Variants in IGSF11 observed in about 807,000 individuals in gnomAD.
IGSF11 encodes the protein CXADR like 1.
A neutral mutation model predicts 41.0 loss-of-function variants in IGSF11; 22 were observed. The observed-to-expected ratio is 0.54, with a 90% CI of 0.38 to 0.77. The LOEUF (loss-of-function observed/expected upper bound fraction) is 0.77, where lower values mean the gene tolerates loss of function less well. IGSF11 is among the 30% of genes least tolerant of loss of function. The probability of loss-of-function intolerance (pLI) is 0.00; values close to 1 mark genes in which losing one functional copy is unlikely to be tolerated. For missense variants in IGSF11, 444 were observed against 530.8 expected (o/e 0.84, Z 1.61); for synonymous variants, 219 against 201.3 (o/e 1.09, Z -0.74).
chr3:119,078,496 G>T (rs544522806), intron 1 of IGSF11, among the ~76,000 whole-genome samples: 16 of 152,304 alleles, frequency 1.1e-4, no homozygotes, highest in African/African-American at 3.4e-4. Context: ...ATGGTGCAGG[G>T]ATAACTGATT....
At chr3:119,108,699 C>T (rs13099251), upstream of IGSF11, among the ~76,000 whole-genome samples, 9,072 of 136,410 alleles carry the variant, frequency 0.067, 380 homozygotes, top group Admixed American at 0.14. Context: ...AGCTTTTGCC[C>T]ATTCAGTATG....
chr3:119,033,419 T>C (rs1194892530), intron 1 of IGSF11, among the ~76,000 whole-genome samples: 2 of 152,240 alleles, frequency 1.3e-5, no homozygotes, highest in Admixed American at 1.3e-4. Flanking sequence ...GTGCACATCA[T>C]CACTAAAAAT....
chr3:119,045,789 G>A (rs953700463), intron 1 of IGSF11, among the ~76,000 whole-genome samples: 6 of 151,848 alleles, frequency 4.0e-5, no homozygotes, highest in African/African-American at 1.5e-4. Flanking sequence ...GCACGCAGCT[G>A]GAGATCTGAG....
At chr3:118,907,684 C>CT (rs1189833921) in intron 4 of IGSF11, among the ~76,000 whole-genome samples, 1 of 152,166 alleles carries the variant, frequency 6.6e-6, no homozygotes, top group African/African-American at 2.4e-5. Context: ...TCGTAACAAG[C>CT]TTATGTTCTA....
chr3:118,982,528 T>C (rs559753182), intron 1 of IGSF11, among the ~76,000 whole-genome samples: 67 of 152,294 alleles, frequency 4.4e-4, no homozygotes, highest in African/African-American at 1.6e-3. Context: ...GAAAATTCTA[T>C]TATAGGATAT....
intron 1 of IGSF11, among the ~76,000 whole-genome samples, chr3:118,989,469 C>T (rs1318776077): frequency 1.3e-5 from 2 of 152,152 alleles, no homozygotes; most frequent in African/African-American, 4.8e-5. Context: ...TCTCCTGCCT[C>T]AGGCTCCTGA....
At chr3:119,008,183 A>G (rs758477025) in intron 1 of IGSF11, among the ~76,000 whole-genome samples, 13 of 152,002 alleles carry the variant, frequency 8.6e-5, no homozygotes, top group African/African-American at 1.2e-4. Context: ...CAACAAAAAA[A>G]ACGTAAATAA....
At chr3:119,023,988 A>G (rs1184658612) in intron 1 of IGSF11, among the ~76,000 whole-genome samples, 1 of 152,208 alleles carries the variant, frequency 6.6e-6, no homozygotes, top group Non-Finnish European at 1.5e-5. Flanking sequence ...GCTTCATCAG[A>G]TCAAGGACAT....
chr3:118,929,955 T>C (rs1942702970), intron 2 of IGSF11, among the ~76,000 whole-genome samples, 157 bp downstream of exon 2: 2 of 152,180 alleles, frequency 1.3e-5, no homozygotes, highest in Admixed American at 6.5e-5. Context: ...TTCTGATAAG[T>C]GACTGATAGG....
intron 1 of IGSF11, among the ~76,000 whole-genome samples, chr3:119,054,865 C>T (rs1024703291): frequency 6.6e-6 from 1 of 151,986 alleles, no homozygotes; most frequent in African/African-American, 2.4e-5. Context: ...GATCTGAGAA[C>T]GGGCAGACTG....
At chr3:118,932,467 T>C (rs1390735099) in intron 1 of IGSF11, among the ~76,000 whole-genome samples, 1 of 152,224 alleles carries the variant, frequency 6.6e-6, no homozygotes, top group African/African-American at 2.4e-5. Flanking sequence ...GGAGTTAAAT[T>C]TGCAGAATAA....
intron 4 of IGSF11, among the ~76,000 whole-genome samples, chr3:118,914,150 A>G (rs1291907940): frequency 1.3e-5 from 2 of 152,200 alleles, no homozygotes; most frequent in African/African-American, 4.8e-5. Context: ...CTCTGAAAGT[A>G]GAGGAGAAAA....
intron 1 of IGSF11, among the ~76,000 whole-genome samples, chr3:119,021,809 A>T (rs1939317589): frequency 6.6e-6 from 1 of 152,202 alleles, no homozygotes; most frequent in Admixed American, 6.5e-5. Flanking sequence ...AAATGCTAGT[A>T]AAAGAGAAAA....
chr3:118,968,421 CT>C (rs529522476), intron 1 of IGSF11, among the ~76,000 whole-genome samples: 6 of 151,728 alleles, frequency 4.0e-5, no homozygotes, highest in Non-Finnish European at 8.8e-5. Context: ...GGGAAGTACT[CT>C]TCTGTGAAAA....
chr3:119,031,725 G>C (rs943218344), intron 1 of IGSF11, among the ~76,000 whole-genome samples: 7 of 152,194 alleles, frequency 4.6e-5, no homozygotes. Context: ...TCCCGTAGCT[G>C]TCATCTTTCA....
At chr3:119,073,034 A>C (rs919328308) in intron 1 of IGSF11, among the ~76,000 whole-genome samples, 3 of 152,098 alleles carry the variant, frequency 2.0e-5, no homozygotes, top group African/African-American at 7.2e-5. Context: ...TGCATTTACA[A>C]ACCTTGAGCT....
chr3:119,034,597 G>A lies in IGSF11; in HGVS notation c.-15C>T, dbSNP rs757036075. On this transcript the variant is annotated 5_prime_UTR_variant, in exon 1 of 7. Transcript: ENST00000393775. The stretch of plus-strand genomic sequence containing the variant: ...TGAGAAGTCATCCCGGGGCCGCAGG[G>A]AGCGCGCCTGCCTCCTACCCGGCTC... The A allele has an allele frequency of 1.9e-6, 3 of 1,582,730 alleles. No individual in the cohort carries two copies. Among genetic ancestry groups the A allele is most frequent in the Non-Finnish European group, 2.6e-6 (3 of 1,166,164 alleles).
chr3:118,934,415 C>T (rs1342602342), intron 1 of IGSF11, among the ~76,000 whole-genome samples: 1 of 152,156 alleles, frequency 6.6e-6, no homozygotes, highest in Non-Finnish European at 1.5e-5. Context: ...CTTCCTCTTG[C>T]TGTTTTACCC....
At chr3:118,935,407 C>T (rs1049616464) in intron 1 of IGSF11, among the ~76,000 whole-genome samples, 26 of 142,508 alleles carry the variant, frequency 1.8e-4, no homozygotes, top group African/African-American at 5.7e-4. Flanking sequence ...TACACACACA[C>T]ATATACATAC....
Sources: allele counts gnomAD v4.1 joint callset (sites outside exome capture counted in the v4.1 genomes callset), GRCh38; gene constraint gnomAD v4.1.1; transcripts MANE v1.5; gene names NCBI Gene and HGNC (gene_info 2026-07-23, HGNC 2026-07-21).